Variants in RGL1 observed in about 807,000 individuals in gnomAD.
RGL1 encodes ral guanine nucleotide dissociation stimulator-like 1.
Under a neutral mutation model 95.2 loss-of-function variants are expected in RGL1, and 24 were observed. The ratio of observed to expected loss-of-function variants is 0.25; its 90% CI spans 0.18 to 0.35. RGL1 has a LOEUF of 0.35. RGL1 is among the 10% of genes least tolerant of loss of function. The probability of loss-of-function intolerance (pLI) is 1.00; values close to 1 mark genes in which losing one functional copy is unlikely to be tolerated. For missense variants in RGL1, 715 were observed against 936.3 expected (o/e 0.76, Z 3.08); for synonymous variants, 329 against 344.9 (o/e 0.95, Z 0.51).
intron 2 of RGL1, among the ~76,000 whole-genome samples, chr1:183,819,485 G>A (rs1334905343): frequency 1.3e-5 from 2 of 152,022 alleles, no homozygotes; most frequent in African/African-American, 4.8e-5. Context: ...TTTATTCTGT[G>A]GTTTTACATT....
At chr1:183,688,409 T>G (rs1036796501) in intron 1 of RGL1, among the ~76,000 whole-genome samples, 1 of 152,148 alleles carries the variant, frequency 6.6e-6, no homozygotes, top group African/African-American at 2.4e-5. Context: ...TATTATAAAT[T>G]TTGGAGCATC....
chr1:183,808,331 GAGA>G (rs1268049822), intron 2 of RGL1, among the ~76,000 whole-genome samples: 1 of 152,170 alleles, frequency 6.6e-6, no homozygotes, highest in Non-Finnish European at 1.5e-5. Context: ...ATGAAATACT[GAGA>G]AGGAGGATAA....
intron 4 of RGL1, among the ~76,000 whole-genome samples, chr1:183,871,226 G>T (rs749309256): frequency 3.3e-5 from 5 of 152,246 alleles, no homozygotes; most frequent in Non-Finnish European, 7.3e-5. Context: ...GAGACAGGAA[G>T]AAACACATAC....
intron 17 of RGL1, 145 bp downstream of exon 17, chr1:183,922,481 A>AGTGCAAGGATGG (rs1315996863): frequency 2.7e-5 from 17 of 635,432 alleles, no homozygotes; most frequent in Non-Finnish European, 3.6e-5. Context: ...GCAAGGGTGA[A>AGTGCAAGGATGG]CAACCGTGCC....
rs998405241 is a variant in RGL1, at chr1:183,847,871, G to C, written c.347+97G>C. On this transcript the variant is annotated intron_variant, in intron 3 of 17. Transcript: ENST00000360851. Reference sequence around the variant, plus strand: ...ATCACCTGCACTTGGTATTCGGAGAGAGATATGTGAGGAAAGATTAACGGG... The same window carrying C: ...ATCACCTGCACTTGGTATTCGGAGACAGATATGTGAGGAAAGATTAACGGG... The C allele has an allele frequency of 5.8e-6, 5 of 857,516 alleles. No individual in the cohort carries two copies. The Admixed American group carries it at 1.1e-4, about 19-fold the overall frequency. 53.1% of individuals were successfully genotyped at this position (857,516 alleles called of 1,614,324 possible).
intron 1 of RGL1, among the ~76,000 whole-genome samples, chr1:183,643,970 G>A (rs886519308): frequency 1.7e-4 from 26 of 152,112 alleles, no homozygotes; most frequent in Non-Finnish European, 2.5e-4. Context: ...GGGCGACAGG[G>A]GAGTGGGGGA....
At position 183,847,702 on chromosome 1, in the gene RGL1, A is replaced by AT; in HGVS notation, c.276dup (p.Ile93TyrfsTer15). The AT allele has an allele frequency of 6.2e-7, 1 of 1,614,160 alleles. No homozygotes were observed. Among genetic ancestry groups the AT allele is most frequent in the Non-Finnish European group, 8.5e-7 (1 of 1,179,978 alleles). On this transcript the variant is annotated frameshift_variant, in exon 3 of 18. Transcript: ENST00000360851. LOFTEE classifies it high-confidence loss of function. ...GCTTTTGGGGACAATGACTTTACCTATATCAGCATCTTTCTTTCAACGTAC... is the reference window on the plus strand; with the variant it reads ...GCTTTTGGGGACAATGACTTTACCTATTATCAGCATCTTTCTTTCAACGTAC...
At chr1:183,674,115 G>T (rs1343139913) in intron 1 of RGL1, among the ~76,000 whole-genome samples, 3 of 152,098 alleles carry the variant, frequency 2.0e-5, no homozygotes, top group East Asian at 1.9e-4. Flanking sequence ...CGCTTTCCCT[G>T]ATTTGAGGGT....
At chr1:183,884,666 G>A (rs1403233954) in intron 6 of RGL1, 57 bp from the exon 7 acceptor site, 2 of 1,439,226 alleles carry the variant, frequency 1.4e-6, no homozygotes, top group African/African-American at 1.4e-5. Flanking sequence ...CAGATGACAT[G>A]CTTTGCCATA....
intron 2 of RGL1, among the ~76,000 whole-genome samples, chr1:183,814,197 CAG>C (rs35425847): frequency 0.6 from 90,456 of 151,084 alleles, 27,691 homozygotes; most frequent in African/African-American, 0.74. Context: ...TAGTCTCATA[CAG>C]AGAGAGAGAG....
At chr1:183,886,753 CAAGA>C (rs1434403652) in intron 7 of RGL1, among the ~76,000 whole-genome samples, 14 of 151,644 alleles carry the variant, frequency 9.2e-5, no homozygotes, top group African/African-American at 3.4e-4. Context: ...GGTTTGCTAC[CAAGA>C]TTTATTTTAC....
At chr1:183,807,561 G>T (rs1318234258) in intron 2 of RGL1, among the ~76,000 whole-genome samples, 2 of 152,206 alleles carry the variant, frequency 1.3e-5, no homozygotes, top group African/African-American at 4.8e-5. Flanking sequence ...TGTAACTCCA[G>T]GGAGTTTAAG....
chr1:183,790,116 G>A (rs577350589), intron 2 of RGL1, among the ~76,000 whole-genome samples: 1 of 151,950 alleles, frequency 6.6e-6, no homozygotes, highest in South Asian at 2.1e-4. Flanking sequence ...GGTAGAGGTG[G>A]GGTTTCACCA....
intron 2 of RGL1, among the ~76,000 whole-genome samples, chr1:183,832,930 GTGCTAAAACA>G (rs143015985): frequency 0.088 from 13,419 of 152,164 alleles, 620 homozygotes; most frequent in South Asian, 0.11. Context: ...CAGGAGGTAA[GTGCTAAAACA>G]TTTCCATAGG....
chr1:183,886,930 A>G (rs1667141653), intron 7 of RGL1, among the ~76,000 whole-genome samples: 1 of 152,046 alleles, frequency 6.6e-6, no homozygotes, highest in African/African-American at 2.4e-5. Context: ...AAATGGGACC[A>G]GATGCCTTTT....
At chr1:183,726,741 A>G (rs1656334779) in intron 1 of RGL1, among the ~76,000 whole-genome samples, 1 of 152,174 alleles carries the variant, frequency 6.6e-6, no homozygotes, top group African/African-American at 2.4e-5. Flanking sequence ...TATAAGTGAC[A>G]ATCCCTTATC....
In RGL1 at chr1:183,926,217, C is replaced by T. The variant is rs1669606619; in HGVS notation, c.2232C>T (p.Ser744=). 3 of 1,613,866 alleles carry T rather than the reference C, an allele frequency of 1.9e-6. No homozygotes were observed. The highest frequency in any genetic ancestry group is 1.7e-6 in the Non-Finnish European group (2 of 1,179,946). Reference sequence around the variant, plus strand: ...TGGAAGAACAAGTGAAACTGCGTAGCCGGACCAGCTTGACGTTGCCCAGGA... The same window carrying T: ...TGGAAGAACAAGTGAAACTGCGTAGTCGGACCAGCTTGACGTTGCCCAGGA... ...NSMEEQVKLR[S]RTSLTLPRTA... Residue 744 remains serine, a synonymous_variant, in exon 18 of 18, where the codon AGC becomes AGT. Coordinates refer to ENST00000360851, the MANE Select transcript of RGL1 (RefSeq NM_001297671.3).
rs185288837 is a variant in RGL1, at chr1:183,856,452, C to T, written c.347+8678C>T. On this transcript the variant is annotated intron_variant, in intron 3 of 17. Transcript: ENST00000360851. ...TCCTATATAAGTGATAGAAGTTAAA[C>T]ATTAATAAATAACTCTTAGAACAAA... is the stretch of plus-strand genomic sequence containing the variant. 1.7e-3 allele frequency among the ~76,000 whole-genome samples: 253 copies of T among 151,628 alleles called. 2 individuals carry two copies. Among genetic ancestry groups the T allele is most frequent in the African/African-American group, 4.3e-3 (176 of 41,384 alleles).
chr1:183,900,984 G>A (rs912021734), intron 11 of RGL1, among the ~76,000 whole-genome samples: 2 of 151,324 alleles, frequency 1.3e-5, no homozygotes, highest in Admixed American at 1.3e-4. Context: ...GGCCAACATG[G>A]TGAAACCCCG....
Sources: allele counts gnomAD v4.1 joint callset (sites outside exome capture counted in the v4.1 genomes callset), GRCh38; gene constraint gnomAD v4.1.1; transcripts MANE v1.5; gene names NCBI Gene and HGNC (gene_info 2026-07-23, HGNC 2026-07-21).